The following LAPTM4B variants were observed in gnomAD, a reference collection of about 807,000 sequenced individuals.
LAPTM4B encodes lysosomal protein transmembrane 4 beta.
Under a neutral mutation model 28.5 loss-of-function variants are expected in LAPTM4B, and 26 were observed. The observed-to-expected ratio is 0.91, with a 90% CI of 0.67 to 1.27. LAPTM4B has a LOEUF of 1.27. Ranked by LOEUF, LAPTM4B falls within the 50% of genes most tolerant of loss-of-function variation. The pLI is 0.00. For synonymous variants in LAPTM4B, 109 were observed against 106.4 expected, an observed-to-expected ratio of 1.02 and a Z score of -0.15; for missense variants, 288 against 285.8, an observed-to-expected ratio of 1.01 and a Z score of -0.06.
At chr8:97,823,043 G>A (rs891044258) in intron 5 of LAPTM4B, among the ~76,000 whole-genome samples, 4 of 152,008 alleles carry the variant, frequency 2.6e-5, no homozygotes, top group South Asian at 2.1e-4. Context: ...GGGTTTCATC[G>A]CGTTAGCCAG....
At position 97,801,519 on chromosome 8, in the gene LAPTM4B, C is replaced by G. The variant is rs114992424; in HGVS notation, c.100-3834C>G. On this transcript the variant is annotated intron_variant, in intron 1 of 6. Coordinates refer to ENST00000521545, the MANE Select transcript of LAPTM4B (RefSeq NM_018407.6). Reference sequence around the variant, plus strand: ...CACATTCTTCTTATTTCGTTTGATCCTATTTCAGTCCACAATTTTCCACAT... The same window carrying G: ...CACATTCTTCTTATTTCGTTTGATCGTATTTCAGTCCACAATTTTCCACAT... Among the ~76,000 whole-genome samples the G allele has an allele frequency of 6.1e-3, 928 of 152,150 alleles. 7 individuals carry two copies. Among genetic ancestry groups the G allele is most frequent in the African/African-American group, 0.021 (875 of 41,520 alleles).
At position 97,775,942 on chromosome 8, in the gene LAPTM4B, G is replaced by GGCTCCAGGCGAGGCGA. The variant is rs1554588218; in HGVS notation, c.-53_-52insAGCTCCAGGCGAGGCG. ...AGGAGCCGGCAGCAGCGGCGCGGCGGGCTCCAGGCGAGGCGGTCGACGCTC... is the reference window on the plus strand; with the variant it reads ...AGGAGCCGGCAGCAGCGGCGCGGCGGGCTCCAGGCGAGGCGAGCTCCAGGCGAGGCGGTCGACGCTC... On this transcript the variant is annotated 5_prime_UTR_variant, in exon 1 of 7. Transcript: ENST00000521545. The GGCTCCAGGCGAGGCGA allele has an allele frequency of 4.0e-6, 6 of 1,482,756 alleles. No individual in the cohort carries two copies. Among genetic ancestry groups the GGCTCCAGGCGAGGCGA allele is most frequent in the Non-Finnish European group, 5.3e-6 (6 of 1,125,834 alleles). The allele number at this position is 1,482,756 out of a possible 1,614,324, so 91.8% of individuals were successfully genotyped here. A position where few individuals can be genotyped will look rare whatever the true frequency, so the allele number is the denominator to read the frequency against.
In LAPTM4B at chr8:97,827,808, G is replaced by A. The variant is rs557407749; in HGVS notation, c.603+2655G>A. The stretch of plus-strand genomic sequence containing the variant: ...TGGTGGGATTGGAGCTAGTTTTATA[G>A]GTTAGGGGTAAGCAGTGGAAAGTTA... On this transcript the variant is annotated intron_variant, in intron 6 of 6. Transcript: ENST00000521545. 2.6e-3 allele frequency among the ~76,000 whole-genome samples: 402 copies of A among 152,290 alleles called. 1 individual carries two copies. Among genetic ancestry groups the A allele is most frequent in the African/African-American group, 9.1e-3 (380 of 41,562 alleles).
At chr8:97,791,647 A>C (rs1341028732) in intron 1 of LAPTM4B, among the ~76,000 whole-genome samples, 1 of 152,184 alleles carries the variant, frequency 6.6e-6, no homozygotes, top group Non-Finnish European at 1.5e-5. Flanking sequence ...TTGGTTTAGC[A>C]GAGTTGGCCA....
At position 97,821,035 on chromosome 8, in the gene LAPTM4B, C is replaced by T. The variant is rs377393444; in HGVS notation, c.507+1797C>T. 3.1e-4 allele frequency among the ~76,000 whole-genome samples: 47 copies of T among 150,380 alleles called. 1 individual carries two copies. Among genetic ancestry groups the T allele is most frequent in the African/African-American group, 1.0e-3 (42 of 41,148 alleles). ...AGTCACCACACCTGGCTGGGGACAC[C>T]GTCTCTTAAAAAATAAATAAGGCCG... is the stretch of plus-strand genomic sequence containing the variant. On this transcript the variant is annotated intron_variant, in intron 5 of 6. Transcript: ENST00000521545.
At chr8:97,824,100 T>C in intron 5 of LAPTM4B, among the ~76,000 whole-genome samples, 1 of 152,182 alleles carries the variant, frequency 6.6e-6, no homozygotes, top group Non-Finnish European at 1.5e-5. Context: ...TTGCTTCTAC[T>C]TTTTGGCTAT....
intron 3 of LAPTM4B, among the ~76,000 whole-genome samples, 200 bp downstream of exon 3, chr8:97,815,601 C>T (rs1816899602): frequency 6.6e-6 from 1 of 151,882 alleles, no homozygotes; most frequent in Non-Finnish European, 1.5e-5. Context: ...GGGTCTCACT[C>T]TGTCACACAG....
rs150321926 is a variant in LAPTM4B at position 97,850,474 on chromosome 8, G to GTGTGTGTGTGTGTGTGTGTGTGTGTGTA, written c.604-908_604-907insGTGTGTGTGTGTATGTGTGTGTGTGTGT. ...AGAGCTGGAGAGGAGGGGTGTGTGT[G>GTGTGTGTGTGTGTGTGTGTGTGTGTGTA]TGTGTGTGTGTGTGTTTGGGAGAGT... On this transcript the variant is annotated intron_variant, in intron 6 of 6. Transcript: ENST00000521545. Among the ~76,000 whole-genome samples the GTGTGTGTGTGTGTGTGTGTGTGTGTGTA allele has an allele frequency of 8.0e-3, 1,165 of 146,334 alleles. 39 individuals are homozygous for GTGTGTGTGTGTGTGTGTGTGTGTGTGTA. Among genetic ancestry groups the GTGTGTGTGTGTGTGTGTGTGTGTGTGTA allele is most frequent in the African/African-American group, 0.029 (1,094 of 37,974 alleles).
chr8:97,813,700 A>G (rs977566300), intron 2 of LAPTM4B, among the ~76,000 whole-genome samples: 2 of 123,672 alleles, frequency 1.6e-5, no homozygotes, highest in Non-Finnish European at 3.7e-5. Context: ...CTGCTTCTCC[A>G]ATGCATTTTA....
At chr8:97,781,106 A>G (rs1336652921) in intron 1 of LAPTM4B, among the ~76,000 whole-genome samples, 1 of 151,210 alleles carries the variant, frequency 6.6e-6, no homozygotes, top group Non-Finnish European at 1.5e-5. Context: ...TCTCCTGCTC[A>G]GCCTCCTGAG....
At chr8:97,780,417 C>A (rs77159842) in intron 1 of LAPTM4B, among the ~76,000 whole-genome samples, 3,929 of 152,198 alleles carry the variant, frequency 0.026, 158 homozygotes, top group African/African-American at 0.081. Context: ...AAAAGCGAAA[C>A]TCTGTCTCAA....
intron 2 of LAPTM4B, among the ~76,000 whole-genome samples, chr8:97,807,225 C>G (rs1342074888): frequency 6.6e-6 from 1 of 152,130 alleles, no homozygotes; most frequent in Non-Finnish European, 1.5e-5. Flanking sequence ...TCAATTTCCC[C>G]CTCTGCAAGA....
At chr8:97,816,013 T>C in intron 3 of LAPTM4B, 45 bp from the exon 4 acceptor site, 1 of 1,478,368 alleles carries the variant, frequency 6.8e-7, no homozygotes. Context: ...AAATATTGTT[T>C]TATAATATTG....
intron 5 of LAPTM4B, among the ~76,000 whole-genome samples, chr8:97,823,354 T>C (rs111977609): frequency 4.0e-5 from 1 of 25,310 alleles, no homozygotes; most frequent in Non-Finnish European, 8.2e-5. Flanking sequence ...GTTTTTTTTT[T>C]TGTTTTTTTT....
At chr8:97,848,751 AT>A (rs1195920236) in intron 6 of LAPTM4B, among the ~76,000 whole-genome samples, 2 of 152,222 alleles carry the variant, frequency 1.3e-5, no homozygotes, top group Non-Finnish European at 2.9e-5. Flanking sequence ...GTGGTGGGGC[AT>A]TGTGGTGAAG....
rs564405359 is a variant in LAPTM4B at position 97,782,562 on chromosome 8, C to T, written c.99+6454C>T. 5.5e-4 allele frequency among the ~76,000 whole-genome samples: 84 copies of T among 151,906 alleles called. 1 individual carries two copies. Among genetic ancestry groups the T allele is most frequent in the African/African-American group, 2.0e-3 (83 of 41,416 alleles). Reference sequence around the variant, plus strand: ...CAAGCGATTCTCCTGCCTCAGTCTCCTGAGTAGCTGGTACTACAGGCATGC... The same window carrying T: ...CAAGCGATTCTCCTGCCTCAGTCTCTTGAGTAGCTGGTACTACAGGCATGC... On this transcript the variant is annotated intron_variant, in intron 1 of 6. Coordinates refer to ENST00000521545, the MANE Select transcript of LAPTM4B (RefSeq NM_018407.6).
At chr8:97,783,349 T>C (rs1816353101) in intron 1 of LAPTM4B, among the ~76,000 whole-genome samples, 1 of 152,128 alleles carries the variant, frequency 6.6e-6, no homozygotes, top group East Asian at 1.9e-4. Context: ...AGAATCCACT[T>C]GTTCACATAG....
intron 1 of LAPTM4B, among the ~76,000 whole-genome samples, chr8:97,797,734 A>G (rs1816613816): frequency 1.3e-5 from 2 of 152,060 alleles, no homozygotes; most frequent in South Asian, 4.1e-4. Flanking sequence ...TGACAATTAC[A>G]TTTTCAGTTG....
intron 6 of LAPTM4B, among the ~76,000 whole-genome samples, chr8:97,839,492 C>T (rs568634833): frequency 6.6e-6 from 1 of 152,286 alleles, no homozygotes; most frequent in East Asian, 1.9e-4. Context: ...TGCGCCCGGC[C>T]ACCAACAATA....
Sources: gnomAD v4.1 joint callset for allele counts (sites outside exome capture counted in the v4.1 genomes callset) on GRCh38, gnomAD v4.1.1 for gene constraint, MANE v1.5 for transcripts, NCBI Gene and HGNC (gene_info 2026-07-23, HGNC 2026-07-21) for gene names.